Variants in MIPOL1 observed in about 807,000 individuals in gnomAD.
MIPOL1 encodes mirror-image polydactyly 1.
In MIPOL1, 57 loss-of-function variants were observed where a neutral mutation model predicts 60.9. The observed-to-expected ratio is 0.94, with a 90% confidence interval of 0.76 to 1.17. The LOEUF (loss-of-function observed/expected upper bound fraction) is 1.17, where lower values mean the gene tolerates loss of function less well. Among genes scored for constraint, MIPOL1 ranks in the 50% most tolerant of loss-of-function variants. The probability of loss-of-function intolerance (pLI) is 0.00; values close to 1 mark genes in which losing one functional copy is unlikely to be tolerated. For missense variants in MIPOL1, 551 were observed against 511.6 expected, an observed-to-expected ratio of 1.08 and a Z score of -0.74; for synonymous variants, 179 against 168.8, an observed-to-expected ratio of 1.06 and a Z score of -0.47.
In MIPOL1 at chr14:37,467,009, G is replaced by A. The variant is rs375448266; in HGVS notation, c.1032-32899G>A. Among the ~76,000 whole-genome samples, 367 of 152,246 alleles carry A rather than the reference G, an allele frequency of 2.4e-3. 3 individuals carry two copies. Among genetic ancestry groups the A allele is most frequent in the African/African-American group, 8.3e-3 (343 of 41,556 alleles). On this transcript the variant is annotated intron_variant, in intron 11 of 12. Coordinates refer to ENST00000684589, the MANE Select transcript of MIPOL1 (RefSeq NM_001388067.1). ...ATATTTCCTGGTGATCAAAACAAAA[G>A]TAAATGACATTCATCCTTATCATTA...
Position 37,541,502 on chromosome 14 carries a change from T to G in MIPOL1, c.1263-5403T>G, listed in dbSNP as rs115648271. On this transcript the variant is annotated intron_variant, in intron 12 of 12. Transcript: ENST00000684589. ...GAAAAAATTATACCACAATGATGGTTTATGTCTTCTACAAGACTGCAGTGT... is the reference window on the plus strand; with the variant it reads ...GAAAAAATTATACCACAATGATGGTGTATGTCTTCTACAAGACTGCAGTGT... Among the ~76,000 whole-genome samples, 1,053 of 152,350 alleles carry G rather than the reference T, an allele frequency of 6.9e-3. 13 individuals carry two copies. Among genetic ancestry groups the G allele is most frequent in the African/African-American group, 0.024 (1,016 of 41,578 alleles).
rs934969122 is a variant in MIPOL1, at chr14:37,461,234, C to A, written c.1031+38285C>A. 2.6e-5 allele frequency among the ~76,000 whole-genome samples: 4 copies of A among 152,204 alleles called. No individual in the cohort carries two copies. In the East Asian group the frequency reaches 7.7e-4, roughly 29 times the overall value. On this transcript the variant is annotated intron_variant, in intron 11 of 12. Transcript: ENST00000684589. ...AGAGGTTTTTGGACTTACAGTTCCACATGGCTGGGGAGGCCTCACAATCAT... is the reference window on the plus strand; with the variant it reads ...AGAGGTTTTTGGACTTACAGTTCCAAATGGCTGGGGAGGCCTCACAATCAT...
At chr14:37,519,838 G>C (rs925853924) in intron 12 of MIPOL1, among the ~76,000 whole-genome samples, 1 of 152,004 alleles carries the variant, frequency 6.6e-6, no homozygotes, top group Non-Finnish European at 1.5e-5. Flanking sequence ...AACAATTGTG[G>C]TTCTTCCACC....
At chr14:37,252,423 A>T (rs1974262289) in intron 3 of MIPOL1, among the ~76,000 whole-genome samples, 1 of 151,954 alleles carries the variant, frequency 6.6e-6, no homozygotes, top group Admixed American at 6.6e-5. Context: ...GAATTTAAGT[A>T]AAAAACAGTT....
At chr14:37,226,179 G>C (rs898265256) in intron 1 of MIPOL1, among the ~76,000 whole-genome samples, 2 of 152,210 alleles carry the variant, frequency 1.3e-5, no homozygotes, top group South Asian at 2.1e-4. Context: ...CCTGCAAACT[G>C]TTCCAACCCC....
intron 1 of MIPOL1, among the ~76,000 whole-genome samples, chr14:37,223,156 C>T (rs1481846540): frequency 6.6e-6 from 1 of 151,946 alleles, no homozygotes. Context: ...CCTCAGTCTC[C>T]CAAGTAGCTG....
At chr14:37,527,187 TA>T (rs2095453333) in intron 12 of MIPOL1, among the ~76,000 whole-genome samples, 1 of 152,074 alleles carries the variant, frequency 6.6e-6, no homozygotes. Context: ...ATATGCACTG[TA>T]AGCAGTTTTT....
At chr14:37,297,921 C>T (rs991040941) in intron 7 of MIPOL1, among the ~76,000 whole-genome samples, 1 of 152,120 alleles carries the variant, frequency 6.6e-6, no homozygotes, top group African/African-American at 2.4e-5. Context: ...CATCAAGCTA[C>T]CAATGACTTT....
chr14:37,211,354 C>G (rs1163789679), intron 1 of MIPOL1, among the ~76,000 whole-genome samples: 3 of 152,200 alleles, frequency 2.0e-5, no homozygotes, highest in Non-Finnish European at 4.4e-5. Flanking sequence ...ACTGCCACTG[C>G]TTCCCCACTC....
chr14:37,510,307 C>A (rs1272535758), intron 12 of MIPOL1, among the ~76,000 whole-genome samples: 1 of 152,038 alleles, frequency 6.6e-6, no homozygotes, highest in Non-Finnish European at 1.5e-5. Context: ...AGTACAGTGG[C>A]ACAATCATGG....
intron 12 of MIPOL1, among the ~76,000 whole-genome samples, chr14:37,534,505 T>C (rs2095497054): frequency 6.6e-6 from 1 of 152,202 alleles, no homozygotes; most frequent in South Asian, 2.1e-4. Flanking sequence ...GTGATATTTA[T>C]TCATAAGCAA....
chr14:37,352,409 A>G (rs1318105398), intron 9 of MIPOL1, among the ~76,000 whole-genome samples: 2 of 10,552 alleles, frequency 1.9e-4, no homozygotes, highest in African/African-American at 3.6e-4. Context: ...GTTCCATATG[A>G]ACTTTGAAGT....
intron 12 of MIPOL1, among the ~76,000 whole-genome samples, chr14:37,500,460 G>A (rs971722659): frequency 5.3e-5 from 8 of 152,140 alleles, no homozygotes; most frequent in Non-Finnish European, 1.0e-4. Flanking sequence ...GGAAGAGGCA[G>A]TCAAGTTACC....
intron 1 of MIPOL1, among the ~76,000 whole-genome samples, chr14:37,220,861 G>T (rs568674477): frequency 6.6e-6 from 1 of 151,936 alleles, no homozygotes; most frequent in Admixed American, 6.6e-5. Context: ...CTGCAGCCTC[G>T]AACTCCTTGT....
chr14:37,533,728 T>C (rs971086079), intron 12 of MIPOL1, among the ~76,000 whole-genome samples: 12 of 152,204 alleles, frequency 7.9e-5, no homozygotes, highest in Admixed American at 5.2e-4. Context: ...ATGGTTGGCA[T>C]TGAATTTGTT....
intron 11 of MIPOL1, among the ~76,000 whole-genome samples, chr14:37,431,240 A>G (rs976216171): frequency 5.3e-5 from 8 of 152,180 alleles, no homozygotes; most frequent in East Asian, 1.9e-4. Context: ...ACAGGTGGCA[A>G]TTGCCTCCTA....
intron 9 of MIPOL1, among the ~76,000 whole-genome samples, chr14:37,344,432 CT>C (rs915026285): frequency 1.3e-5 from 2 of 151,474 alleles, no homozygotes; most frequent in Non-Finnish European, 1.5e-5. Flanking sequence ...CGTATATATA[CT>C]TTTTTTTCCG....
intron 9 of MIPOL1, among the ~76,000 whole-genome samples, chr14:37,359,833 C>G (rs1254063921): frequency 6.6e-6 from 1 of 152,196 alleles, no homozygotes; most frequent in African/African-American, 2.4e-5. Context: ...CCCGATTGCC[C>G]TGGCCAGAAC....
chr14:37,507,283 T>C (rs1594785198), intron 12 of MIPOL1: 1 of 152,072 alleles, frequency 6.6e-6, no homozygotes, highest in East Asian at 1.9e-4. Context: ...ATAAATCATT[T>C]TATGATAAAG....
Sources: allele counts gnomAD v4.1 joint callset (sites outside exome capture counted in the v4.1 genomes callset), GRCh38; gene constraint gnomAD v4.1.1; transcripts MANE v1.5; gene names NCBI Gene and HGNC (gene_info 2026-07-23, HGNC 2026-07-21).